PPP1R13B: variants seen among roughly 807,000 people sequenced by gnomAD.
PPP1R13B encodes the protein apoptosis-stimulating of p53 protein 1.
In PPP1R13B, 44 loss-of-function variants were observed where a neutral mutation model predicts 119.8. The ratio of observed to expected loss-of-function variants is 0.37; its 90% confidence interval spans 0.29 to 0.47. The LOEUF (loss-of-function observed/expected upper bound fraction) is 0.47, where lower values mean the gene tolerates loss of function less well. Ranked by LOEUF, PPP1R13B falls within the 20% of genes least tolerant of loss-of-function variation. PPP1R13B has a pLI of 0.99. For synonymous variants in PPP1R13B, 542 were observed against 561.5 expected, an observed-to-expected ratio of 0.97 and a Z score of 0.49; for missense variants, 1,227 against 1,413.5, an observed-to-expected ratio of 0.87 and a Z score of 2.12.
At position 103,775,284 on chromosome 14, in the gene PPP1R13B, T is replaced by A. The variant is rs570137281; in HGVS notation, c.354+3461A>T. Among the ~76,000 whole-genome samples the A allele has an allele frequency of 1.6e-4, 25 of 151,706 alleles. No homozygotes were observed. The East Asian group carries it at 2.7e-3, about 16-fold the overall frequency. On this transcript the variant is annotated intron_variant, in intron 4 of 16. Coordinates refer to ENST00000202556, the MANE Select transcript of PPP1R13B (RefSeq NM_015316.3). ...TTCACTTATTATTATTATTATTTTT[T>A]TTTTTTTGGAGACAGAGTCTCGCTC...
intron 8 of PPP1R13B, among the ~76,000 whole-genome samples, chr14:103,747,549 G>T (rs948903358): frequency 1.3e-5 from 2 of 152,016 alleles, no homozygotes; most frequent in Non-Finnish European, 1.5e-5. Context: ...AGGTTTTTGG[G>T]AAACAGGTGG....
At position 103,734,757 on chromosome 14, in the gene PPP1R13B, A is replaced by C; in HGVS notation, c.*397T>G. On this transcript the variant is annotated 3_prime_UTR_variant, in exon 17 of 17. Coordinates refer to ENST00000202556, the MANE Select transcript of PPP1R13B (RefSeq NM_015316.3). ...ACGGGGGGCAGGGCGGTCGCAGGGGAGCAGGCCTCACAGCGGCGGACAGTG... is the reference window on the plus strand; with the variant it reads ...ACGGGGGGCAGGGCGGTCGCAGGGGCGCAGGCCTCACAGCGGCGGACAGTG... 2 of 464,228 alleles carry C rather than the reference A, an allele frequency of 4.3e-6. No homozygotes were observed. The highest frequency in any genetic ancestry group is 8.6e-6 in the Non-Finnish European group (2 of 232,194). The allele number at this position is 464,228 out of a possible 1,614,324, so 28.8% of individuals were successfully genotyped here. A position where few individuals can be genotyped will look rare whatever the true frequency, so the allele number is the denominator to read the frequency against.
rs201830690 is a variant in PPP1R13B, at chr14:103,740,004, G to T, written c.2412C>A (p.Leu804=). Residue 804 remains leucine, a synonymous_variant, in exon 12 of 17, where the codon CTC becomes CTA. Transcript: ENST00000202556. The surrounding 1 kb of genome is among the most constrained non-coding windows in gnomAD (Gnocchi z 4.6). ...TTTGGTGGGTGGTTTGGGGACAGAT[G>T]AGCTCCTCTGGTTCGGGGGAAGGTA... is the stretch of plus-strand genomic sequence containing the variant. ...NELPSPEPEE[L]ICPQTTHQTA... 11 of 1,614,154 alleles carry T rather than the reference G, an allele frequency of 6.8e-6. No individual in the cohort carries two copies. Among genetic ancestry groups the T allele is most frequent in the Non-Finnish European group, 9.3e-6 (11 of 1,180,024 alleles).
Position 103,756,481 on chromosome 14 carries a change from C to T in PPP1R13B, c.456+1169G>A, listed in dbSNP as rs138794781. 4.9e-3 allele frequency among the ~76,000 whole-genome samples: 739 copies of T among 152,244 alleles called. 7 individuals are homozygous for T. Among genetic ancestry groups the T allele is most frequent in the African/African-American group, 0.017 (693 of 41,518 alleles). On this transcript the variant is annotated intron_variant, in intron 5 of 16. Coordinates refer to ENST00000202556, the MANE Select transcript of PPP1R13B (RefSeq NM_015316.3). The stretch of plus-strand genomic sequence containing the variant: ...GATGTTTCAATTAAATATGACTAAA[C>T]CATTACTTAGAAAGATTCGAGTTTC...
At chr14:103,786,348 T>TAA (rs2085462000) in intron 2 of PPP1R13B, among the ~76,000 whole-genome samples, 3 of 152,174 alleles carry the variant, frequency 2.0e-5, no homozygotes. Context: ...GGCCAGTATC[T>TAA]AACCAATTAC....
Position 103,740,147 on chromosome 14 carries a change from C to A in PPP1R13B, c.2269G>T (p.Asp757Tyr). 1.2e-6 allele frequency: 2 copies of A among 1,613,520 alleles called. No individual in the cohort carries two copies. Among genetic ancestry groups the A allele is most frequent in the Non-Finnish European group, 1.7e-6 (2 of 1,180,022 alleles). The change falls in exon 12 of 17, where the codon GAT (aspartate) becomes TAT (tyrosine). Residue 757 changes from aspartate to tyrosine, a missense_variant. Physicochemically the swap from Asp to Tyr is radical, Grantham distance 160. Transcript: ENST00000202556. This position sits in a 1 kb window ranked among gnomAD's most constrained non-coding sequence, Gnocchi z 4.6. ...PSQDFMGTLA[D>Y]VDNGNTNANG... ...GCATTGGTGTTTCCATTGTCCACAT[C>A]GGCCAAGGTGCCCATGAAGTCCTGG...
At chr14:103,764,804 A>C (rs1223831751) in intron 4 of PPP1R13B, among the ~76,000 whole-genome samples, 1 of 152,112 alleles carries the variant, frequency 6.6e-6, no homozygotes, top group African/African-American at 2.4e-5. Flanking sequence ...TATTTAAATA[A>C]AGTAAATACA....
intron 1 of PPP1R13B, among the ~76,000 whole-genome samples, chr14:103,834,392 T>A (rs1359034582): frequency 6.6e-6 from 1 of 151,722 alleles, no homozygotes; most frequent in Non-Finnish European, 1.5e-5. Flanking sequence ...TAGTAAGTAC[T>A]ACAAAGAGGA....
intron 5 of PPP1R13B, among the ~76,000 whole-genome samples, chr14:103,755,462 A>G (rs1264795552): frequency 6.6e-6 from 1 of 152,240 alleles, no homozygotes. Flanking sequence ...GAACAATCTA[A>G]AAATAACAAT....
At chr14:103,735,262 A>G (rs2084070878) in intron 16 of PPP1R13B, 67 bp from the exon 17 acceptor site, 6 of 1,523,754 alleles carry the variant, frequency 3.9e-6, no homozygotes, top group Non-Finnish European at 5.5e-6. Context: ...GCCAGACCCG[A>G]CCCCTGCTCC....
intron 1 of PPP1R13B, among the ~76,000 whole-genome samples, chr14:103,799,620 T>G (rs1479262628): frequency 6.6e-6 from 1 of 151,308 alleles, no homozygotes; most frequent in Non-Finnish European, 1.5e-5. Flanking sequence ...GTTTTTTGTT[T>G]TTTTTTTTTT....
At chr14:103,775,156 C>T (rs2085156974) in intron 4 of PPP1R13B, among the ~76,000 whole-genome samples, 1 of 152,148 alleles carries the variant, frequency 6.6e-6, no homozygotes, top group Non-Finnish European at 1.5e-5. Flanking sequence ...TATATTATAT[C>T]ATATACAACA....
intron 1 of PPP1R13B, among the ~76,000 whole-genome samples, chr14:103,825,243 C>T (rs1029980544): frequency 6.6e-6 from 1 of 152,132 alleles, no homozygotes; most frequent in Non-Finnish European, 1.5e-5. Flanking sequence ...CTCCCTTTCT[C>T]GAGCCTCCCT....
chr14:103,837,031 A>G (rs910491248), intron 1 of PPP1R13B, among the ~76,000 whole-genome samples: 1 of 152,246 alleles, frequency 6.6e-6, no homozygotes, highest in Non-Finnish European at 1.5e-5. Context: ...CTGAGTAAAA[A>G]GCAGGACACA....
intron 4 of PPP1R13B, among the ~76,000 whole-genome samples, chr14:103,776,464 G>A (rs938696704): frequency 6.6e-6 from 1 of 152,110 alleles, no homozygotes; most frequent in Non-Finnish European, 1.5e-5. Context: ...GCTAAACATG[G>A]GCCAGTCACA....
chr14:103,749,523 A>AG (rs1386889633), intron 8 of PPP1R13B, among the ~76,000 whole-genome samples: 1 of 152,192 alleles, frequency 6.6e-6, no homozygotes, highest in African/African-American at 2.4e-5. Context: ...AGCATCCCCC[A>AG]GTGAAGAGGA....
At position 103,734,737 on chromosome 14, in the gene PPP1R13B, G is replaced by A. The variant is rs74085283; in HGVS notation, c.*417C>T. On this transcript the variant is annotated 3_prime_UTR_variant, in exon 17 of 17. Transcript: ENST00000202556. ...GATGAGTGTCCGATTCGGTGACGGG[G>A]GGCAGGGCGGTCGCAGGGGAGCAGG... 1.7e-3 allele frequency: 789 copies of A among 461,990 alleles called. 7 individuals are homozygous for A. The highest frequency in any genetic ancestry group is 0.014 in the African/African-American group (688 of 50,426). 28.6% of individuals were successfully genotyped at this position (461,990 alleles called of 1,614,324 possible).
chr14:103,756,136 C>T (rs146587683), intron 5 of PPP1R13B, among the ~76,000 whole-genome samples: 2 of 151,682 alleles, frequency 1.3e-5, no homozygotes, highest in Admixed American at 1.3e-4. Flanking sequence ...GCTCTGTCAC[C>T]CAGGCTGCAG....
At chr14:103,791,635 A>G (rs2085623974) in intron 2 of PPP1R13B, among the ~76,000 whole-genome samples, 1 of 152,132 alleles carries the variant, frequency 6.6e-6, no homozygotes, top group South Asian at 2.1e-4. Flanking sequence ...TGAGGTGGAG[A>G]ATAGCTTGAA....
Sources: gnomAD v4.1 joint callset for allele counts (sites outside exome capture counted in the v4.1 genomes callset) on GRCh38, gnomAD v4.1.1 for gene constraint, Gnocchi (gnomAD v3.1) non-coding constraint, MANE v1.5 for transcripts, NCBI Gene and HGNC (gene_info 2026-07-23, HGNC 2026-07-21) for gene names.